PASD1: variants seen among roughly 807,000 people sequenced by gnomAD.
PASD1 encodes the protein circadian clock protein PASD1.
PASD1 carries 13 observed loss-of-function variants against 58.8 expected under a neutral mutation model. That is an observed-to-expected ratio of 0.22 (90% confidence interval 0.14 to 0.35). The LOEUF (loss-of-function observed/expected upper bound fraction) is 0.35. Among genes scored for constraint, PASD1 ranks in the 10% least tolerant of loss-of-function variants. The probability of loss-of-function intolerance (pLI) is 1.00; values close to 1 mark genes in which losing one functional copy is unlikely to be tolerated. For missense variants in PASD1, 734 were observed against 568.3 expected (o/e 1.29, Z -2.96); for synonymous variants, 236 against 216.7 (o/e 1.09, Z -0.78).
chrX:151,603,630 T>C (rs1489903861), intron 2 of PASD1, among the ~76,000 whole-genome samples: 1 of 111,144 alleles, frequency 9.0e-6, no homozygotes, highest in Non-Finnish European at 1.9e-5. Context: ...GCTGGGACAG[T>C]GGTCAGGATC....
chrX:151,609,508 T>A (rs1407968968), intron 3 of PASD1, among the ~76,000 whole-genome samples: 3 of 111,859 alleles, frequency 2.7e-5, no homozygotes, highest in African/African-American at 9.8e-5. Flanking sequence ...CCTTTCTACT[T>A]TCTGCATCTA....
chrX:151,607,765 C>A (rs2013505886), intron 3 of PASD1, among the ~76,000 whole-genome samples: 1 of 111,848 alleles, frequency 8.9e-6, no homozygotes, highest in South Asian at 3.8e-4. Flanking sequence ...AACCCAGATC[C>A]CATGCTCCGA....
intron 3 of PASD1, among the ~76,000 whole-genome samples, chrX:151,609,461 C>T (rs1341774712): frequency 8.9e-6 from 1 of 111,828 alleles, no homozygotes; most frequent in Admixed American, 9.5e-5. Flanking sequence ...CAAACAATAA[C>T]TCCCCATTCT....
In PASD1 at chrX:151,604,666, T is replaced by A; in HGVS notation, c.49T>A (p.Ser17Thr). The A allele has an allele frequency of 1.7e-6, 2 of 1,206,139 alleles. No homozygotes were observed. The highest frequency in any genetic ancestry group is 3.5e-5 in the African/African-American group (2 of 57,799). ...AAAAGACAAAGTCAATCCAAAAAGC[T>A]CTCAAAGGAAATTAAACTGGATTCC... ...KRRDKVNPKS[S>T]QRKLNWIPSF... is the part of the protein sequence containing the mutation. The change falls in exon 3 of 16, where the codon TCT becomes ACT. Residue 17 changes from serine to threonine, a missense_variant. By Grantham distance (58) the Ser-to-Thr change is moderately conservative. Coordinates refer to ENST00000370357, the MANE Select transcript of PASD1 (RefSeq NM_173493.3).
intron 9 of PASD1, among the ~76,000 whole-genome samples, chrX:151,651,900 G>A (rs2014132532): frequency 8.9e-6 from 1 of 112,143 alleles, no homozygotes; most frequent in Admixed American, 9.5e-5. Flanking sequence ...TCTGATCTCA[G>A]TATCTATGTC....
At chrX:151,621,281 A>G (rs1377011438) in intron 5 of PASD1, among the ~76,000 whole-genome samples, 1 of 111,577 alleles carries the variant, frequency 9.0e-6, no homozygotes, top group African/African-American at 3.2e-5. Context: ...TAAATGATGG[A>G]CCATTGTATA....
chrX:151,627,365 CCCA>C (rs955860921), intron 8 of PASD1, among the ~76,000 whole-genome samples: 8 of 108,870 alleles, frequency 7.3e-5, no homozygotes, highest in Non-Finnish European at 1.5e-4. Flanking sequence ...CTCCCCCCAC[CCCA>C]CAACAGGCCC....
chrX:151,623,659 G>C (rs953685247), intron 7 of PASD1, among the ~76,000 whole-genome samples: 1 of 111,587 alleles, frequency 9.0e-6, no homozygotes, highest in Non-Finnish European at 1.9e-5. Flanking sequence ...AAATAATATT[G>C]GAAGGTGCCC....
In PASD1 at chrX:151,610,244, T is replaced by G. The variant is rs191094295; in HGVS notation, c.118-1420T>G. ...AATTTATCTTATTTTTCCATTTGTA[T>G]CTCCTTGTGTTACATTCTGAGTCAT... On this transcript the variant is annotated intron_variant, in intron 3 of 15. Coordinates refer to ENST00000370357, the MANE Select transcript of PASD1 (RefSeq NM_173493.3). Among the ~76,000 whole-genome samples the G allele has an allele frequency of 8.9e-5, 10 of 111,829 alleles. No homozygotes were observed. In the East Asian group the frequency reaches 2.8e-3, roughly 31 times the overall value.
At chrX:151,646,659 G>A (rs2014064542) in intron 8 of PASD1, among the ~76,000 whole-genome samples, 1 of 112,495 alleles carries the variant, frequency 8.9e-6, no homozygotes, top group Non-Finnish European at 1.9e-5. Flanking sequence ...CAATATAAAG[G>A]TATTAGATTG....
At chrX:151,571,544 A>T (rs937907388) in intron 1 of PASD1, among the ~76,000 whole-genome samples, 2 of 111,395 alleles carry the variant, frequency 1.8e-5, no homozygotes, top group African/African-American at 6.6e-5. Flanking sequence ...CTCTGTGAAC[A>T]TGTCTTATAG....
At chrX:151,608,542 T>C (rs915136750) in intron 3 of PASD1, among the ~76,000 whole-genome samples, 1 of 112,129 alleles carries the variant, frequency 8.9e-6, no homozygotes, top group African/African-American at 3.2e-5. Flanking sequence ...TAATCAAATT[T>C]ACCAATCAAA....
intron 1 of PASD1, among the ~76,000 whole-genome samples, chrX:151,585,787 A>G (rs1430121818): frequency 8.9e-6 from 1 of 112,069 alleles, no homozygotes; most frequent in Admixed American, 9.5e-5. Context: ...CTCTGCTAAT[A>G]TCCAGGTAAA....
chrX:151,598,814 GATT>G (rs927576617), intron 1 of PASD1, among the ~76,000 whole-genome samples: 3 of 110,290 alleles, frequency 2.7e-5, no homozygotes, highest in Admixed American at 9.6e-5. Flanking sequence ...GGGACTGATA[GATT>G]ATTATTATTA....
At chrX:151,651,404 C>G (rs1466051789) in intron 9 of PASD1, among the ~76,000 whole-genome samples, 5 of 111,810 alleles carry the variant, frequency 4.5e-5, no homozygotes, top group Non-Finnish European at 9.4e-5. Context: ...TGCTTTTGCA[C>G]CCAAATCCAT....
At chrX:151,668,638 C>T (rs919221523) in intron 11 of PASD1, among the ~76,000 whole-genome samples, 5 of 111,139 alleles carry the variant, frequency 4.5e-5, no homozygotes, top group Admixed American at 2.9e-4. Flanking sequence ...AACACATGCA[C>T]CCTCCCAAGA....
At chrX:151,656,092 C>A (rs1249043817) in intron 9 of PASD1, among the ~76,000 whole-genome samples, 2 of 112,124 alleles carry the variant, frequency 1.8e-5, no homozygotes, top group Non-Finnish European at 3.8e-5. Flanking sequence ...GTTTTCCCAG[C>A]ACCATTTATT....
intron 8 of PASD1, among the ~76,000 whole-genome samples, chrX:151,635,545 C>T (rs1408603876): frequency 8.9e-6 from 1 of 111,895 alleles, no homozygotes; most frequent in Non-Finnish European, 1.9e-5. Context: ...CACTCTTTTC[C>T]AATAGTCACA....
intron 4 of PASD1, among the ~76,000 whole-genome samples, chrX:151,615,262 A>T (rs914160781): frequency 9.0e-6 from 1 of 110,648 alleles, no homozygotes; most frequent in Admixed American, 9.7e-5. Flanking sequence ...AGTTTTCCCT[A>T]TCAAGAAGCT....
Sources: gnomAD v4.1 joint callset for allele counts (sites outside exome capture counted in the v4.1 genomes callset) on GRCh38, gnomAD v4.1.1 for gene constraint, MANE v1.5 for transcripts, NCBI Gene and HGNC (gene_info 2026-07-23, HGNC 2026-07-21) for gene names.